Variants in RBMS1 observed in about 807,000 individuals in gnomAD.
RBMS1 encodes RNA binding motif single stranded interacting protein 1.
In RBMS1, 17 loss-of-function variants were observed where a neutral mutation model predicts 62.3. The observed-to-expected ratio is 0.27, with a 90% CI of 0.19 to 0.41. RBMS1 has a LOEUF of 0.41. RBMS1 is among the 10% of genes least tolerant of loss of function. RBMS1 has a pLI of 1.00. For missense variants in RBMS1, 334 were observed against 504.5 expected, an observed-to-expected ratio of 0.66 and a Z score of 3.24; for synonymous variants, 172 against 170.0, an observed-to-expected ratio of 1.01 and a Z score of -0.09.
chr2:160,492,084 T>G lies in RBMS1; in HGVS notation c.75+1205A>C, dbSNP rs375262197. Among the ~76,000 whole-genome samples, 8 of 152,324 alleles carry G rather than the reference T, an allele frequency of 5.3e-5. 1 individual carries two copies. In the East Asian group the frequency reaches 1.2e-3, roughly 22 times the overall value. Reference sequence around the variant, plus strand: ...AGAAAGAAAAGGCTGAATCAGAGATTCTTTGTACCAGGCCGGAAATGCCCA... The same window carrying G: ...AGAAAGAAAAGGCTGAATCAGAGATGCTTTGTACCAGGCCGGAAATGCCCA... On this transcript the variant is annotated intron_variant, in intron 1 of 13. Coordinates refer to ENST00000348849, the MANE Select transcript of RBMS1 (RefSeq NM_016836.4).
At chr2:160,477,336 G>A (rs1685186492) in intron 1 of RBMS1, among the ~76,000 whole-genome samples, 1 of 152,144 alleles carries the variant, frequency 6.6e-6, no homozygotes, top group Non-Finnish European at 1.5e-5. Context: ...TACAGAGCGA[G>A]ACTCTGTTTC....
intron 2 of RBMS1, among the ~76,000 whole-genome samples, chr2:160,319,176 GA>G (rs1354366041): frequency 6.6e-6 from 1 of 151,900 alleles, no homozygotes; most frequent in African/African-American, 2.4e-5. Context: ...AAAAATTGAG[GA>G]AAAAAAGTTT....
intron 4 of RBMS1, among the ~76,000 whole-genome samples, chr2:160,306,130 T>C (rs199990540): frequency 8.7e-5 from 1 of 11,450 alleles, no homozygotes; most frequent in Non-Finnish European, 2.9e-4. Flanking sequence ...GTTTCTCTCG[T>C]GTGTGTGTGT....
intron 6 of RBMS1, among the ~76,000 whole-genome samples, chr2:160,296,844 T>C (rs567825109): frequency 6.6e-6 from 1 of 152,360 alleles, no homozygotes; most frequent in East Asian, 1.9e-4. Flanking sequence ...TTCTTGTGGA[T>C]TCTGTGGCAG....
At chr2:160,464,620 C>T (rs1309654110) in intron 1 of RBMS1, among the ~76,000 whole-genome samples, 1 of 152,136 alleles carries the variant, frequency 6.6e-6, no homozygotes, top group African/African-American at 2.4e-5. Context: ...ATATTGGTAT[C>T]TTTTATATTG....
At chr2:160,432,144 T>C (rs1015280250) in intron 1 of RBMS1, among the ~76,000 whole-genome samples, 1 of 152,224 alleles carries the variant, frequency 6.6e-6, no homozygotes, top group Non-Finnish European at 1.5e-5. Flanking sequence ...TTATATTATA[T>C]GTACTTCTGA....
At chr2:160,374,906 G>C (rs747646427) in intron 1 of RBMS1, among the ~76,000 whole-genome samples, 22 of 152,002 alleles carry the variant, frequency 1.4e-4, no homozygotes, top group Non-Finnish European at 2.1e-4. Context: ...CTCCAGCCTG[G>C]GCAACAAGAG....
At chr2:160,445,801 T>C (rs879703389) in intron 1 of RBMS1, among the ~76,000 whole-genome samples, 1 of 152,188 alleles carries the variant, frequency 6.6e-6, no homozygotes, top group Non-Finnish European at 1.5e-5. Context: ...AACTAAGCTA[T>C]CTGGTTTTTA....
At chr2:160,456,917 T>A (rs749083043) in intron 1 of RBMS1, among the ~76,000 whole-genome samples, 4 of 151,474 alleles carry the variant, frequency 2.6e-5, no homozygotes, top group Non-Finnish European at 5.9e-5. Flanking sequence ...TTATCAACAG[T>A]GATAGTAGAG....
intron 1 of RBMS1, among the ~76,000 whole-genome samples, chr2:160,453,095 G>GGTGGTT: frequency 9.1e-6 from 1 of 109,314 alleles, no homozygotes; most frequent in East Asian, 2.1e-4. Context: ...CTGTTATGAT[G>GGTGGTT]ATGATGATGA....
chr2:160,446,100 T>C (rs979551675), intron 1 of RBMS1, among the ~76,000 whole-genome samples: 1 of 152,230 alleles, frequency 6.6e-6, no homozygotes, highest in Non-Finnish European at 1.5e-5. Context: ...TATATCATTA[T>C]CATAACGTTT....
chr2:160,304,439 A>G (rs1689381529), intron 4 of RBMS1, among the ~76,000 whole-genome samples: 1 of 152,240 alleles, frequency 6.6e-6, no homozygotes, highest in Admixed American at 6.5e-5. Context: ...ACCTAATACC[A>G]GTAAGTAACA....
chr2:160,403,206 A>T (rs1000634595), intron 1 of RBMS1, among the ~76,000 whole-genome samples: 1 of 152,184 alleles, frequency 6.6e-6, no homozygotes, highest in Non-Finnish European at 1.5e-5. Flanking sequence ...ATACACAGAG[A>T]TAACATAACA....
At chr2:160,456,107 A>G (rs1458051164) in intron 1 of RBMS1, among the ~76,000 whole-genome samples, 1 of 152,254 alleles carries the variant, frequency 6.6e-6, no homozygotes, top group Non-Finnish European at 1.5e-5. Flanking sequence ...AGGCAATGTG[A>G]AAAGAGTGGA....
chr2:160,284,457 T>A (rs1307416362), intron 9 of RBMS1: 6 of 358,522 alleles, frequency 1.7e-5, no homozygotes, highest in Non-Finnish European at 5.3e-6. Context: ...ACGGCAATTA[T>A]CTTAAGTTTC....
intron 2 of RBMS1, among the ~76,000 whole-genome samples, chr2:160,320,575 T>C (rs1235750875): frequency 1.3e-5 from 2 of 152,092 alleles, no homozygotes; most frequent in African/African-American, 4.8e-5. Flanking sequence ...ATCCTTGTGG[T>C]AGTGAGTTCT....
In RBMS1 at chr2:160,313,144, C is replaced by T. The variant is rs1231144937; in HGVS notation, c.402+12G>A. 2 of 1,611,818 alleles carry T rather than the reference C, an allele frequency of 1.2e-6. No homozygotes were observed. Among genetic ancestry groups the T allele is most frequent in the African/African-American group, 1.3e-5 (1 of 74,824 alleles). ...TGTGGAACAGAGAAGCAATTGCTGGCTCTCAACTCACCTTTGCCATTTGAG... is the reference window on the plus strand; with the variant it reads ...TGTGGAACAGAGAAGCAATTGCTGGTTCTCAACTCACCTTTGCCATTTGAG... On this transcript the variant is annotated intron_variant, in intron 4 of 13. Transcript: ENST00000348849.
chr2:160,393,237 T>C (rs1694953708), intron 1 of RBMS1, among the ~76,000 whole-genome samples: 1 of 152,172 alleles, frequency 6.6e-6, no homozygotes, highest in African/African-American at 2.4e-5. Context: ...AGGTAAACTG[T>C]AGCATGTCAG....
intron 1 of RBMS1, among the ~76,000 whole-genome samples, chr2:160,391,475 G>C (rs1377802011): frequency 6.6e-6 from 1 of 152,020 alleles, no homozygotes; most frequent in Non-Finnish European, 1.5e-5. Flanking sequence ...CTTTGTTATA[G>C]CAGCCCTAGC....
Sources: allele counts gnomAD v4.1 joint callset (sites outside exome capture counted in the v4.1 genomes callset), GRCh38; gene constraint gnomAD v4.1.1; transcripts MANE v1.5; gene names NCBI Gene and HGNC (gene_info 2026-07-23, HGNC 2026-07-21).